Variants in CFAP46 observed in about 807,000 individuals in gnomAD.
The protein encoded by CFAP46 is cilia and flagella associated protein 46, also known as cilia- and flagella-associated protein 46.
In CFAP46, 245 loss-of-function variants were observed where a neutral mutation model predicts 325.7. That is an observed-to-expected ratio of 0.75 (90% confidence interval 0.68 to 0.84). The LOEUF is 0.84. Among genes scored for constraint, CFAP46 ranks in the 40% least tolerant of loss-of-function variants. CFAP46 has a pLI of 0.00. For synonymous variants in CFAP46, 1,523 were observed against 1,495.9 expected (o/e 1.02, Z -0.42); for missense variants, 3,346 against 3,543.0 (o/e 0.94, Z 1.41).
At chr10:132,879,275 G>A in intron 29 of CFAP46, 151 bp downstream of exon 29, 1 of 733,820 alleles carries the variant, frequency 1.4e-6, no homozygotes, top group Admixed American at 3.3e-5. Flanking sequence ...GGAAGAATCT[G>A]GATGTCGCAG....
rs139993271 is a variant in CFAP46 at position 132,908,723 on chromosome 10, T to C, written c.2758-89A>G. 2,456 of 1,422,692 alleles carry C rather than the reference T, an allele frequency of 1.7e-3. 34 individuals are homozygous for C. The African/African-American group carries it at 0.03, about 18-fold the overall frequency. The allele number at this position is 1,422,692 out of a possible 1,614,324, so 88.1% of individuals were successfully genotyped here. A position where few individuals can be genotyped will look rare whatever the true frequency, so the allele number is the denominator to read the frequency against. On this transcript the variant is annotated intron_variant, in intron 21 of 57. Transcript: ENST00000368586. ...GCCCCCACGGACCACGCAGCGCATG[T>C]GATCCTAAGCAGAGGCGTGGCCTGT...
At position 132,817,076 on chromosome 10, in the gene CFAP46, A is replaced by C. The variant is rs1388040164; in HGVS notation, c.7118-2162T>G. ...CTCTCTCTTTTTGCTCTTTGTCTGG[A>C]CCGTCAGTAATCCAGGCGTGGTAAA... On this transcript the variant is annotated intron_variant, in intron 50 of 57. Transcript: ENST00000368586. This position sits in a 1 kb window ranked among gnomAD's most constrained non-coding sequence, Gnocchi z 4.4. Among the ~76,000 whole-genome samples the C allele has an allele frequency of 6.6e-6, 1 of 152,114 alleles. No individual in the cohort carries two copies. The highest frequency in any genetic ancestry group is 1.5e-5 in the Non-Finnish European group (1 of 68,030).
intron 25 of CFAP46, among the ~76,000 whole-genome samples, chr10:132,890,229 A>C (rs1849235762): frequency 6.6e-6 from 1 of 151,922 alleles, no homozygotes; most frequent in Non-Finnish European, 1.5e-5. Flanking sequence ...CACCCTCCAC[A>C]GCCTCCTCTG....
At position 132,905,354 on chromosome 10, in the gene CFAP46, G is replaced by A. The variant is rs368949417; in HGVS notation, c.2924+3114C>T. 3.3e-5 allele frequency among the ~76,000 whole-genome samples: 5 copies of A among 151,788 alleles called. No individual in the cohort carries two copies. In the East Asian group the frequency reaches 5.8e-4, roughly 18 times the overall value. ...GGGTCCTCCTGAGCCACCCAATGCA[G>A]TCAGACAGCTCTCTCCGCACAGCGT... On this transcript the variant is annotated intron_variant, in intron 22 of 57. Coordinates refer to ENST00000368586, the MANE Select transcript of CFAP46 (RefSeq NM_001200049.3).
At chr10:132,825,206 CTGTGTGT>C (rs1848023099) in intron 50 of CFAP46, among the ~76,000 whole-genome samples, 2 of 117,944 alleles carry the variant, frequency 1.7e-5, no homozygotes, top group African/African-American at 3.1e-5. Context: ...GCGCTGTGTG[CTGTGTGT>C]GTGCCCTGAT....
chr10:132,833,281 C>T lies in CFAP46; in HGVS notation c.7117+77G>A, dbSNP rs1848180995. The T allele has an allele frequency of 4.3e-6, 6 of 1,385,052 alleles. No individual in the cohort carries two copies. The South Asian group carries it at 8.0e-5, about 18-fold the overall frequency. The allele number at this position is 1,385,052 out of a possible 1,614,324, so 85.8% of individuals were successfully genotyped here. On this transcript the variant is annotated intron_variant, in intron 50 of 57. Coordinates refer to ENST00000368586, the MANE Select transcript of CFAP46 (RefSeq NM_001200049.3). ...ATGATTATTTCTTGATAGGAGCTAA[C>T]ATTGTTTCATCTGAAAAATAATTTA...
At position 132,827,290 on chromosome 10, in the gene CFAP46, C is replaced by G. The variant is rs530845786; in HGVS notation, c.7117+6068G>C. Among the ~76,000 whole-genome samples, 4 of 152,052 alleles carry G rather than the reference C, an allele frequency of 2.6e-5. No individual in the cohort carries two copies. Among genetic ancestry groups the G allele is most frequent in the Non-Finnish European group, 5.9e-5 (4 of 68,026 alleles). On this transcript the variant is annotated intron_variant, in intron 50 of 57. Transcript: ENST00000368586. The surrounding 1 kb of genome is among the most constrained non-coding windows in gnomAD (Gnocchi z 5.7). The stretch of plus-strand genomic sequence containing the variant: ...CCGTGGCCTGTGATGGACGGGGCAC[C>G]CAGTGGGCCAGAATCAGACGGAGAA...
intron 9 of CFAP46, 43 bp from the exon 10 acceptor site, chr10:132,926,709 G>T: frequency 1.5e-6 from 2 of 1,363,394 alleles, no homozygotes; most frequent in Non-Finnish European, 2.0e-6. Context: ...GATCTGTAAG[G>T]GAAGCAGCTG....
chr10:132,843,452 CCCAGGG>C, intron 44 of CFAP46, among the ~76,000 whole-genome samples: 1 of 133,872 alleles, frequency 7.5e-6, no homozygotes, highest in African/African-American at 3.4e-5. Context: ...AGTGGGCGTT[CCCAGGG>C]TGCTGTAGGG....
chr10:132,927,227 G>C (rs868193615), intron 9 of CFAP46, among the ~76,000 whole-genome samples: 1 of 152,250 alleles, frequency 6.6e-6, no homozygotes, highest in Non-Finnish European at 1.5e-5. Flanking sequence ...GGACACAGGA[G>C]ACTCAAGCTC....
Position 132,867,440 on chromosome 10 carries a change from C to T in CFAP46, c.4678G>A (p.Ala1560Thr). The T allele has an allele frequency of 6.4e-7, 1 of 1,550,598 alleles. No homozygotes were observed. The highest frequency in any genetic ancestry group is 8.7e-7 in the Non-Finnish European group (1 of 1,146,998). Residue 1560 changes from alanine (A) to threonine (T), a missense_variant, in exon 34 of 58, where the codon GCA (alanine) becomes ACA (threonine). By Grantham distance (58) the Ala-to-Thr change is moderately conservative (BLOSUM62 0). Transcript: ENST00000368586. Reference sequence around the variant, plus strand: ...ACAGGAAGTGTCTGCTCATTCAGTGCTGGCAGGCTTTCTTCTAATAAAGGC... The same window carrying T: ...ACAGGAAGTGTCTGCTCATTCAGTGTTGGCAGGCTTTCTTCTAATAAAGGC... Reference protein sequence around the residue: ...KEPLLEESLPALNEQTLPVQP... With the variant: ...KEPLLEESLPTLNEQTLPVQP...
In CFAP46 at chr10:132,885,816, C is replaced by T; in HGVS notation, c.3443+5G>A. 6.5e-7 allele frequency: 1 copy of T among 1,547,182 alleles called. No individual in the cohort carries two copies. Among genetic ancestry groups the T allele is most frequent in the Non-Finnish European group, 8.7e-7 (1 of 1,145,832 alleles). ...GCACTCACAGGCGGTGGGGGGAGCA[C>T]TCACAGGCGGTGGGCCGTCCTTGGC... On this transcript the variant is annotated splice_donor_5th_base_variant and intron_variant, in intron 26 of 57. Transcript: ENST00000368586.
chr10:132,915,833 C>T (rs989593553), intron 17 of CFAP46, among the ~76,000 whole-genome samples: 4 of 152,146 alleles, frequency 2.6e-5, no homozygotes, highest in East Asian at 3.9e-4. Flanking sequence ...TCCAGCGTGA[C>T]GGATTCGCTG....
chr10:132,811,633 A>G (rs1257044206), intron 55 of CFAP46, among the ~76,000 whole-genome samples: 1 of 152,154 alleles, frequency 6.6e-6, no homozygotes, highest in Admixed American at 6.5e-5. Flanking sequence ...CCGTTCCCGC[A>G]GACAGGCTGT....
chr10:132,826,742 G>C (rs970349824), intron 50 of CFAP46, among the ~76,000 whole-genome samples: 23 of 151,294 alleles, frequency 1.5e-4, no homozygotes, highest in Non-Finnish European at 3.1e-4. Context: ...GAGCCAGGCA[G>C]AAGCTGGAGC....
chr10:132,818,188 G>A (rs913861570), intron 50 of CFAP46, among the ~76,000 whole-genome samples: 1 of 152,204 alleles, frequency 6.6e-6, no homozygotes, highest in Non-Finnish European at 1.5e-5. Context: ...TGCCATGACA[G>A]TGGTGGCCGC....
chr10:132,839,246 C>T (rs1848313151), intron 44 of CFAP46, among the ~76,000 whole-genome samples: 1 of 152,258 alleles, frequency 6.6e-6, no homozygotes, highest in Non-Finnish European at 1.5e-5. Flanking sequence ...GGCTCCTACC[C>T]TGTGTCTCCC....
chr10:132,920,396 G>A (rs982863726), intron 13 of CFAP46, among the ~76,000 whole-genome samples: 4 of 152,192 alleles, frequency 2.6e-5, no homozygotes, highest in Non-Finnish European at 5.9e-5. Flanking sequence ...GGCCGAGCCA[G>A]TGCTCCTCTG....
At chr10:132,843,093 C>G (rs1050294001) in intron 44 of CFAP46, among the ~76,000 whole-genome samples, 2 of 152,228 alleles carry the variant, frequency 1.3e-5, no homozygotes, top group Non-Finnish European at 2.9e-5. Flanking sequence ...CAGTCTGTTT[C>G]TCAGTCACAG....
Sources: gnomAD v4.1 joint callset for allele counts (sites outside exome capture counted in the v4.1 genomes callset) on GRCh38, gnomAD v4.1.1 for gene constraint, Gnocchi (gnomAD v3.1) non-coding constraint, MANE v1.5 for transcripts, NCBI Gene and HGNC (gene_info 2026-07-23, HGNC 2026-07-21) for gene names.